The following ERC1 variants were observed in gnomAD, a reference collection of about 807,000 sequenced individuals.
ERC1 encodes ELKS/RAB6-interacting/CAST family member 1, also known as RAB6 interacting protein 2.
Under a neutral mutation model 132.0 loss-of-function variants are expected in ERC1, and 56 were observed. The observed-to-expected ratio is 0.42, with a 90% CI of 0.34 to 0.53. The LOEUF is 0.53. Among genes scored for constraint, ERC1 ranks in the 20% least tolerant of loss-of-function variants. The pLI is 0.03. For synonymous variants in ERC1, 478 were observed against 476.1 expected (o/e 1.00, Z -0.05); for missense variants, 1,202 against 1,349.9 (o/e 0.89, Z 1.72).
At chr12:1,241,925 C>T (rs1189070111) in intron 13 of ERC1, among the ~76,000 whole-genome samples, 1 of 120,708 alleles carries the variant, frequency 8.3e-6, no homozygotes, top group Non-Finnish European at 1.6e-5. Flanking sequence ...GTGGTGTGAT[C>T]TCGGTTTGCT....
At chr12:1,002,291 G>A (rs572988095) in intron 1 of ERC1, among the ~76,000 whole-genome samples, 148 of 142,324 alleles carry the variant, frequency 1.0e-3, no homozygotes, top group African/African-American at 3.4e-3. Flanking sequence ...CTCCCACCTC[G>A]GCCTCCCAAG....
At chr12:1,218,839 C>T (rs200107060) in intron 12 of ERC1, among the ~76,000 whole-genome samples, 48,791 of 142,006 alleles carry the variant, frequency 0.34, 8,743 homozygotes, top group African/African-American at 0.5. Context: ...TATATACACA[C>T]ACACACACAC....
At chr12:1,400,908 ATTTTTGTATTTTTTTTTTT>A (rs1195510451) in intron 16 of ERC1, among the ~76,000 whole-genome samples, 4,957 of 43,330 alleles carry the variant, frequency 0.11, 847 homozygotes, top group African/African-American at 0.23. Flanking sequence ...TGTTTTGGCT[ATTTTTGTATTTTTTTTTTT>A]TTTTTTTTTT....
At chr12:1,467,233 G>A (rs535026688) in intron 18 of ERC1, among the ~76,000 whole-genome samples, 45 of 152,316 alleles carry the variant, frequency 3.0e-4, no homozygotes, top group Admixed American at 9.8e-4. Flanking sequence ...ATAAGGCTCC[G>A]ACCTGCGTGC....
intron 14 of ERC1, among the ~76,000 whole-genome samples, chr12:1,269,396 G>A (rs1261968124): frequency 2.0e-5 from 3 of 152,322 alleles, no homozygotes; most frequent in Middle Eastern, 6.8e-3. Flanking sequence ...GACAGAAGCA[G>A]CAATCATAAT....
chr12:1,378,605 C>T (rs2088227682), intron 16 of ERC1, among the ~76,000 whole-genome samples: 1 of 152,124 alleles, frequency 6.6e-6, no homozygotes, highest in South Asian at 2.1e-4. Context: ...CCTTTAAAGC[C>T]ACATACATGA....
chr12:1,477,612 A>G (rs1220753004), intron 18 of ERC1, among the ~76,000 whole-genome samples: 1 of 152,164 alleles, frequency 6.6e-6, no homozygotes, highest in Non-Finnish European at 1.5e-5. Flanking sequence ...GGGGTCCTTG[A>G]TGGGTTTTTT....
In ERC1 at chr12:1,477,717, A is replaced by G. The variant is rs181313530; in HGVS notation, c.3214-12376A>G. Among the ~76,000 whole-genome samples, 47 of 152,298 alleles carry G rather than the reference A, an allele frequency of 3.1e-4. No homozygotes were observed. The East Asian group carries it at 5.8e-3, about 19-fold the overall frequency. On this transcript the variant is annotated intron_variant, in intron 18 of 18. Coordinates refer to ENST00000360905, the MANE Select transcript of ERC1 (RefSeq NM_178040.4). ...CACTCATATAGCAAATTCTTGGAAC[A>G]AGCAGCAGAATGTTACCAGTGCCGA...
Position 1,375,661 on chromosome 12 carries a change from G to A in ERC1, c.2925+3684G>A, listed in dbSNP as rs116202408. ...CCTGTCACTGATAGCCCTGTTCGTG[G>A]TCAGAACTGTGCCATAGGTGACACA... is the stretch of plus-strand genomic sequence containing the variant. On this transcript the variant is annotated intron_variant, in intron 16 of 18. Coordinates refer to ENST00000360905, the MANE Select transcript of ERC1 (RefSeq NM_178040.4). Among the ~76,000 whole-genome samples, 1,392 of 151,522 alleles carry A rather than the reference G, an allele frequency of 9.2e-3. 23 individuals are homozygous for A. The highest frequency in any genetic ancestry group is 0.031 in the African/African-American group (1,261 of 41,222).
chr12:1,165,301 C>A (rs1952290556), intron 8 of ERC1, among the ~76,000 whole-genome samples: 1 of 151,750 alleles, frequency 6.6e-6, no homozygotes, highest in Non-Finnish European at 1.5e-5. Flanking sequence ...ACACAGAATG[C>A]AGGAGAATTT....
chr12:1,269,445 G>T (rs186268010), intron 14 of ERC1, among the ~76,000 whole-genome samples: 12 of 152,278 alleles, frequency 7.9e-5, no homozygotes, highest in Non-Finnish European at 1.5e-4. Flanking sequence ...GTCTAAGGAA[G>T]ACTAATATGA....
chr12:1,082,484 A>AAT (rs1491550404), intron 2 of ERC1, among the ~76,000 whole-genome samples: 37 of 113,686 alleles, frequency 3.3e-4, no homozygotes, highest in African/African-American at 1.2e-3. Context: ...AAAAAAAAAA[A>AAT]TTTTTTTTTT....
intron 3 of ERC1, among the ~76,000 whole-genome samples, chr12:1,092,481 T>C (rs964977701): frequency 4.6e-5 from 7 of 152,350 alleles, no homozygotes; most frequent in African/African-American, 1.7e-4. Flanking sequence ...TCAGCTGAGG[T>C]ATGAGCATTG....
intron 15 of ERC1, among the ~76,000 whole-genome samples, chr12:1,300,001 T>A (rs1489899848): frequency 2.0e-5 from 3 of 152,136 alleles, no homozygotes; most frequent in Non-Finnish European, 4.4e-5. Context: ...AGAGCCCAAA[T>A]AGCCAAGGAA....
intron 16 of ERC1, among the ~76,000 whole-genome samples, chr12:1,394,033 A>AT (rs1481396787): frequency 6.4e-5 from 8 of 124,296 alleles, no homozygotes; most frequent in Admixed American, 1.7e-4. Flanking sequence ...AAAAAAAAAA[A>AT]CAAAAAAAAA....
rs2094333599 is a variant in ERC1 at position 1,493,444 on chromosome 12, G to A, written c.*3214G>A. On this transcript the variant is annotated 3_prime_UTR_variant, in exon 19 of 19. Coordinates refer to ENST00000360905, the MANE Select transcript of ERC1 (RefSeq NM_178040.4). ...TGTAATCCCAGCTACTCAGGAGGCA[G>A]GAGAATCGCTTGAGCCTGGGAGGCA... 6.4e-6 allele frequency: 1 copy of A among 157,200 alleles called. No individual in the cohort carries two copies. The highest frequency in any genetic ancestry group is 2.1e-4 in the South Asian group (1 of 4,778). 9.7% of individuals were successfully genotyped at this position (157,200 alleles called of 1,614,324 possible).
chr12:1,185,503 T>C (rs1003800753), intron 11 of ERC1, among the ~76,000 whole-genome samples: 1 of 120,340 alleles, frequency 8.3e-6, no homozygotes, highest in Non-Finnish European at 1.7e-5. Context: ...TTTTCTGTAC[T>C]TTTCTTTCTT....
intron 15 of ERC1, among the ~76,000 whole-genome samples, chr12:1,316,138 C>T (rs796773485): frequency 1.1e-4 from 16 of 152,186 alleles, no homozygotes; most frequent in African/African-American, 3.4e-4. Flanking sequence ...CCACCCGCCT[C>T]GGCCTCCCAA....
chr12:1,362,726 T>TA (rs1235712096), intron 15 of ERC1, among the ~76,000 whole-genome samples: 1 of 152,182 alleles, frequency 6.6e-6, no homozygotes, highest in African/African-American at 2.4e-5. Context: ...AGGAGGGTGT[T>TA]AGCCTTTCAT....
Sources: allele counts gnomAD v4.1 joint callset (sites outside exome capture counted in the v4.1 genomes callset), GRCh38; gene constraint gnomAD v4.1.1; transcripts MANE v1.5; gene names NCBI Gene and HGNC (gene_info 2026-07-23, HGNC 2026-07-21).